The following CEP68 variants were observed in gnomAD, a reference collection of about 807,000 sequenced individuals.
CEP68 encodes centrosomal protein 68.
A neutral mutation model predicts 55.3 loss-of-function variants in CEP68; 26 were observed. The observed-to-expected ratio is 0.47, with a 90% CI of 0.34 to 0.65. The LOEUF (loss-of-function observed/expected upper bound fraction) is 0.65. Among genes scored for constraint, CEP68 ranks in the 30% least tolerant of loss-of-function variants. The probability of loss-of-function intolerance (pLI) is 0.01; values close to 1 mark genes in which losing one functional copy is unlikely to be tolerated. For missense variants in CEP68, 957 were observed against 946.7 expected (o/e 1.01, Z -0.14); for synonymous variants, 402 against 383.2 (o/e 1.05, Z -0.57).
In CEP68 at chr2:65,069,562, G is replaced by A. The variant is rs1373145630; in HGVS notation, c.118G>A (p.Glu40Lys). The A allele has an allele frequency of 1.2e-6, 2 of 1,612,506 alleles. No individual in the cohort carries two copies. The highest frequency in any genetic ancestry group is 3.3e-5 in the Admixed American group (2 of 59,984). ...GGACATCCCAGGGCCCATGAGTGGG[G>A]AGCAGCCCCCACGCCTGGAAGCTGA... ...ELDIPGPMSG[E>K]QPPRLEAEGG... Residue 40 changes from glutamate to lysine, a missense_variant, in exon 2 of 7, where the codon GAG becomes AAG. Physicochemically the swap from Glu to Lys is moderately conservative, Grantham distance 56. Transcript: ENST00000377990.
chr2:65,080,080 C>G (rs938774588), intron 5 of CEP68, among the ~76,000 whole-genome samples: 1 of 151,680 alleles, frequency 6.6e-6, no homozygotes, highest in Non-Finnish European at 1.5e-5. Context: ...TTGCAGCGAG[C>G]TGAGATTGCG....
intron 5 of CEP68, chr2:65,080,499 A>G (rs1231422165): frequency 3.0e-6 from 3 of 985,206 alleles, no homozygotes; most frequent in Non-Finnish European, 3.6e-6. Context: ...TTTGGCCCCA[A>G]CCAAACATTC....
At chr2:65,064,336 A>G (rs368395406) in intron 1 of CEP68, among the ~76,000 whole-genome samples, 1 of 152,110 alleles carries the variant, frequency 6.6e-6, no homozygotes, top group South Asian at 2.1e-4. Flanking sequence ...ATTTGTTTGC[A>G]CCCCTCCCTT....
chr2:65,066,950 T>C (rs971999719), intron 1 of CEP68, among the ~76,000 whole-genome samples: 4 of 149,994 alleles, frequency 2.7e-5, no homozygotes, highest in Non-Finnish European at 5.9e-5. Flanking sequence ...AAAAAAGATA[T>C]CGTACCAAGT....
chr2:65,057,755 G>T (rs1186487636), intron 1 of CEP68, among the ~76,000 whole-genome samples: 1 of 152,178 alleles, frequency 6.6e-6, no homozygotes, highest in African/African-American at 2.4e-5. Flanking sequence ...TACAGGTTAG[G>T]AAGGCAGCTA....
chr2:65,059,828 G>A (rs1008743831), intron 1 of CEP68, among the ~76,000 whole-genome samples: 7 of 152,146 alleles, frequency 4.6e-5, no homozygotes, highest in African/African-American at 1.7e-4. Context: ...TTCCCAACGA[G>A]CTCTGAGGTG....
In CEP68 at chr2:65,085,249, TTGAA is replaced by T. The variant is rs1180536579; in HGVS notation, c.*1618_*1621del. On this transcript the variant is annotated 3_prime_UTR_variant, in exon 7 of 7. Transcript: ENST00000377990. ...AACAAATTGGCCAATATTATACTAA[TTGAA>T]TGCAGAATGTGGCATTCTATTCCCA... The T allele has an allele frequency of 1.3e-5, 2 of 152,172 alleles. No homozygotes were observed. Among genetic ancestry groups the T allele is most frequent in the East Asian group, 3.8e-4 (2 of 5,198 alleles). 9.4% of individuals were successfully genotyped at this position (152,172 alleles called of 1,614,324 possible). A position where few individuals can be genotyped will look rare whatever the true frequency, so the allele number is the denominator to read the frequency against.
intron 1 of CEP68, among the ~76,000 whole-genome samples, chr2:65,062,096 T>C (rs1245688199): frequency 6.6e-6 from 1 of 152,226 alleles, no homozygotes; most frequent in African/African-American, 2.4e-5. Flanking sequence ...CCTGAACTCA[T>C]AGGGCTTGCT....
chr2:65,072,835 T>C lies in CEP68; in HGVS notation c.1739T>C (p.Leu580Pro). 6.2e-7 allele frequency: 1 copy of C among 1,614,156 alleles called. No individual in the cohort carries two copies. The highest frequency in any genetic ancestry group is 2.2e-5 in the East Asian group (1 of 44,882). The stretch of plus-strand genomic sequence containing the variant: ...GGCAGTCTGGGGAGCAGCCAGGCCC[T>C]CGGGGTCTCCTCTGGACTGCTGAAA... ...GEGSLGSSQA[L>P]GVSSGLLKTR... is the part of the protein sequence containing the mutation. Residue 580 changes from leucine to proline, a missense_variant, in exon 3 of 7, where the codon CTC becomes CCC. By Grantham distance (98) the Leu-to-Pro change is moderately conservative (BLOSUM62 -3). Coordinates refer to ENST00000377990, the MANE Select transcript of CEP68 (RefSeq NM_015147.3).
Position 65,069,807 on chromosome 2 carries a change from T to G in CEP68, c.357+6T>G. The G allele has an allele frequency of 6.2e-7, 1 of 1,612,044 alleles. No homozygotes were observed. Among genetic ancestry groups the G allele is most frequent in the Non-Finnish European group, 8.5e-7 (1 of 1,178,528 alleles). On this transcript the variant is annotated splice_donor_region_variant and intron_variant, in intron 2 of 6. Transcript: ENST00000377990. ...TGCTCTCCGGGGAAAGCCAGGTAGG[T>G]ACTAAGGCAAGACTGTAGATGGACC...
intron 2 of CEP68, among the ~76,000 whole-genome samples, chr2:65,070,382 C>T (rs896774092): frequency 6.6e-6 from 1 of 152,156 alleles, no homozygotes; most frequent in Non-Finnish European, 1.5e-5. Flanking sequence ...AGGCAAATCA[C>T]CAGATCTTTC....
intron 1 of CEP68, among the ~76,000 whole-genome samples, chr2:65,067,449 A>T (rs1279510626): frequency 6.6e-6 from 1 of 152,182 alleles, no homozygotes; most frequent in Non-Finnish European, 1.5e-5. Context: ...GGTCATACAC[A>T]AAACTAGTAA....
At chr2:65,083,500 A>G (rs1422314670) in intron 6 of CEP68, 139 bp from the exon 7 acceptor site, 2 of 152,272 alleles carry the variant, frequency 1.3e-5, no homozygotes, top group African/African-American at 4.8e-5. Context: ...AGGTATGCTA[A>G]GAGCAGGGAG....
chr2:65,081,739 C>G (rs1411455866), intron 5 of CEP68, among the ~76,000 whole-genome samples: 2 of 152,250 alleles, frequency 1.3e-5, no homozygotes, highest in African/African-American at 2.4e-5. Flanking sequence ...CTCTTGTTGC[C>G]CAGGCTGGAG....
rs368645630 is a variant in CEP68 at position 65,072,324 on chromosome 2, C to T, written c.1228C>T (p.Arg410Cys). ...CAGAGCCCCAGGCAGTAGGGATGCTCGTTGGGAGCGCAGAGAGCCAGCCCT... is the reference window on the plus strand; with the variant it reads ...CAGAGCCCCAGGCAGTAGGGATGCTTGTTGGGAGCGCAGAGAGCCAGCCCT... ...TPRAPGSRDA[R>C]WERREPALRG... The change falls in exon 3 of 7, where the codon CGT becomes TGT. Residue 410 changes from arginine to cysteine, a missense_variant. By Grantham distance (180) the Arg-to-Cys change is radical (BLOSUM62 -3). Transcript: ENST00000377990. 92 of 1,613,798 alleles carry T rather than the reference C, an allele frequency of 5.7e-5. No homozygotes were observed. The highest frequency in any genetic ancestry group is 7.1e-5 in the Non-Finnish European group (84 of 1,180,010).
chr2:65,074,497 G>C (rs1229174238), intron 4 of CEP68, 93 bp downstream of exon 4: 7 of 1,554,884 alleles, frequency 4.5e-6, no homozygotes, highest in Admixed American at 3.3e-5. Flanking sequence ...CCAATGTCTG[G>C]TATGTTATAG....
intron 5 of CEP68, chr2:65,080,514 A>G (rs1005185092): frequency 2.0e-6 from 2 of 985,264 alleles, no homozygotes; most frequent in Non-Finnish European, 2.4e-6. Flanking sequence ...ACATTCTGAC[A>G]GTCTAAATAA....
At chr2:65,067,446 C>A (rs1676250025) in intron 1 of CEP68, among the ~76,000 whole-genome samples, 1 of 152,068 alleles carries the variant, frequency 6.6e-6, no homozygotes, top group Admixed American at 6.6e-5. Context: ...AAGGGTCATA[C>A]ACAAAACTAG....
At chr2:65,081,513 C>CTGA (rs1324272240) in intron 5 of CEP68, among the ~76,000 whole-genome samples, 1 of 152,090 alleles carries the variant, frequency 6.6e-6, no homozygotes, top group Non-Finnish European at 1.5e-5. Flanking sequence ...ATAAGCACAG[C>CTGA]TGATAAAGGT....
Sources: allele counts gnomAD v4.1 joint callset (sites outside exome capture counted in the v4.1 genomes callset), GRCh38; gene constraint gnomAD v4.1.1; transcripts MANE v1.5; gene names NCBI Gene and HGNC (gene_info 2026-07-23, HGNC 2026-07-21).